Variants in GRIP1 observed in about 807,000 individuals in gnomAD.
GRIP1 encodes glutamate receptor-interacting protein 1.
In GRIP1, 45 loss-of-function variants were observed where a neutral mutation model predicts 129.9. That is an observed-to-expected ratio of 0.35 (90% CI 0.27 to 0.44). The LOEUF (loss-of-function observed/expected upper bound fraction) is 0.44, where lower values mean the gene tolerates loss of function less well. Among genes scored for constraint, GRIP1 ranks in the 20% least tolerant of loss-of-function variants. The pLI is 1.00. For missense variants in GRIP1, 1,196 were observed against 1,396.8 expected (o/e 0.86, Z 2.29); for synonymous variants, 530 against 520.8 (o/e 1.02, Z -0.24).
intron 1 of GRIP1, among the ~76,000 whole-genome samples, chr12:66,956,895 T>C (rs191853704): frequency 7.2e-5 from 11 of 152,284 alleles, no homozygotes; most frequent in Admixed American, 6.5e-4. Flanking sequence ...CCTGTATATA[T>C]GTATTAAACT....
chr12:66,522,098 C>G (rs1204141538), intron 5 of GRIP1, among the ~76,000 whole-genome samples: 4 of 152,228 alleles, frequency 2.6e-5, no homozygotes, highest in Non-Finnish European at 5.9e-5. Flanking sequence ...AACAAAAAGA[C>G]AGCAGTAACC....
chr12:66,430,943 C>A (rs1007945767), intron 14 of GRIP1, among the ~76,000 whole-genome samples: 1 of 151,952 alleles, frequency 6.6e-6, no homozygotes, highest in Admixed American at 6.6e-5. Context: ...TGAGGGAAGG[C>A]AGAAGAATGA....
chr12:67,050,762 T>C (rs1378139651), intron 1 of GRIP1, among the ~76,000 whole-genome samples: 1 of 152,184 alleles, frequency 6.6e-6, no homozygotes, highest in East Asian at 1.9e-4. Flanking sequence ...AGGTGTCCTA[T>C]AACCAAATAA....
chr12:66,678,852 T>G lies in GRIP1; in HGVS notation c.53A>C (p.Lys18Thr). The change falls in exon 1 of 25, where the codon AAA (lysine) becomes ACA (threonine). Residue 18 changes from lysine to threonine, a missense_variant and splice_region_variant. Lys to Thr is a moderately conservative substitution (Grantham distance 78). This residue lies in a region of GRIP1 where 217 missense variants were observed against 224.8 expected (regional missense o/e 0.97). Transcript: ENST00000359742. The part of the protein sequence containing the change: ...CRCQILRRLT[K>T]DESPYTKSAS... ...GAATAACAAGGAAAGCACGATACCT[T>G]TAGTAAGTCGCCTCAGAATTTGACA... The G allele has an allele frequency of 6.2e-7, 1 of 1,613,146 alleles. No homozygotes were observed. The highest frequency in any genetic ancestry group is 8.5e-7 in the Non-Finnish European group (1 of 1,179,320).
intron 1 of GRIP1, among the ~76,000 whole-genome samples, chr12:66,602,887 C>T (rs556459775): frequency 1.2e-4 from 13 of 106,532 alleles, no homozygotes; most frequent in African/African-American, 3.8e-4. Flanking sequence ...GAGATAGGGT[C>T]TCACTCTGTC....
intron 1 of GRIP1, among the ~76,000 whole-genome samples, chr12:66,959,825 T>C (rs2137529134): frequency 6.6e-6 from 1 of 152,300 alleles, no homozygotes; most frequent in Admixed American, 6.5e-5. Context: ...GATATTCATG[T>C]TGTCATGTTT....
chr12:66,959,042 C>G (rs1457265844), intron 1 of GRIP1, among the ~76,000 whole-genome samples: 2 of 152,186 alleles, frequency 1.3e-5, no homozygotes, highest in African/African-American at 4.8e-5. Context: ...TTAAATAGGT[C>G]TTTGCCATCT....
intron 7 of GRIP1, among the ~76,000 whole-genome samples, chr12:66,491,453 G>C (rs1447948076): frequency 6.6e-6 from 1 of 152,112 alleles, no homozygotes; most frequent in African/African-American, 2.4e-5. Context: ...CACACACTGG[G>C]GCCTGTCAGA....
intron 1 of GRIP1, among the ~76,000 whole-genome samples, chr12:66,910,990 T>G (rs2041020075): frequency 6.6e-6 from 1 of 152,198 alleles, no homozygotes; most frequent in East Asian, 1.9e-4. Context: ...CCTTCATCTA[T>G]TCAGTAAACA....
intron 1 of GRIP1, among the ~76,000 whole-genome samples, chr12:66,980,913 G>A (rs1056307561): frequency 6.6e-6 from 1 of 152,092 alleles, no homozygotes; most frequent in Non-Finnish European, 1.5e-5. Flanking sequence ...CTCCATTTCC[G>A]TGTTTTGAGC....
intron 1 of GRIP1, among the ~76,000 whole-genome samples, chr12:66,849,638 C>T (rs993239282): frequency 5.3e-5 from 8 of 152,006 alleles, no homozygotes; most frequent in African/African-American, 1.9e-4. Context: ...TGAAAAAATC[C>T]TTTTATTTAC....
intron 15 of GRIP1, among the ~76,000 whole-genome samples, chr12:66,407,687 T>C (rs1021265730): frequency 6.6e-5 from 10 of 152,150 alleles, no homozygotes; most frequent in Admixed American, 5.2e-4. Context: ...ATTCCGGTGG[T>C]CAGAACTTGA....
At chr12:66,731,734 A>G (rs1249581145) in intron 1 of GRIP1, among the ~76,000 whole-genome samples, 1 of 152,228 alleles carries the variant, frequency 6.6e-6, no homozygotes, top group Non-Finnish European at 1.5e-5. Flanking sequence ...ACTGAACTGT[A>G]TACTAAAAGT....
At chr12:66,999,083 T>A (rs948029922) in intron 1 of GRIP1, among the ~76,000 whole-genome samples, 1 of 152,120 alleles carries the variant, frequency 6.6e-6, no homozygotes, top group African/African-American at 2.4e-5. Context: ...TCAGACATTT[T>A]CTTCATAACA....
chr12:66,774,382 C>T (rs992512780), intron 1 of GRIP1, among the ~76,000 whole-genome samples: 8 of 152,146 alleles, frequency 5.3e-5, no homozygotes, highest in African/African-American at 1.7e-4. Flanking sequence ...GAAATAAACT[C>T]AACCCAATAT....
At chr12:67,021,792 TC>T (rs1279437799) in intron 1 of GRIP1, among the ~76,000 whole-genome samples, 1 of 152,132 alleles carries the variant, frequency 6.6e-6, no homozygotes, top group African/African-American at 2.4e-5. Flanking sequence ...AACCAATCTC[TC>T]CCTATCCCCC....
chr12:66,815,004 T>G (rs1020159845), intron 1 of GRIP1, among the ~76,000 whole-genome samples: 1 of 152,108 alleles, frequency 6.6e-6, no homozygotes, highest in East Asian at 1.9e-4. Flanking sequence ...GGTTGACAAA[T>G]AGGGATTATA....
intron 1 of GRIP1, among the ~76,000 whole-genome samples, chr12:67,065,551 C>G (rs1376349268): frequency 1.3e-5 from 2 of 152,042 alleles, no homozygotes; most frequent in African/African-American, 4.8e-5. Flanking sequence ...AATATAAAAG[C>G]AAAGGAAATG....
intron 2 of GRIP1, among the ~76,000 whole-genome samples, chr12:66,556,068 A>G (rs1438445477): frequency 6.6e-6 from 1 of 152,180 alleles, no homozygotes; most frequent in African/African-American, 2.4e-5. Context: ...ATTTAAGTAC[A>G]AAAAGGTTAT....
Sources: allele counts gnomAD v4.1 joint callset (sites outside exome capture counted in the v4.1 genomes callset), GRCh38; gene constraint gnomAD v4.1.1; regional missense constraint gnomAD v4.1.1; transcripts MANE v1.5; gene names NCBI Gene and HGNC (gene_info 2026-07-23, HGNC 2026-07-21).